Variants in SLC39A11 observed in about 807,000 individuals in gnomAD.
SLC39A11 encodes solute carrier family 39 member 11.
Under a neutral mutation model 36.1 loss-of-function variants are expected in SLC39A11, and 33 were observed. That is an observed-to-expected ratio of 0.91 (90% confidence interval 0.69 to 1.22). SLC39A11 has a LOEUF of 1.22. SLC39A11 is among the 50% of genes most tolerant of loss of function. The pLI, the probability that SLC39A11 is intolerant of heterozygous loss-of-function variation, is 0.00. For synonymous variants in SLC39A11, 166 were observed against 170.3 expected, an observed-to-expected ratio of 0.97 and a Z score of 0.20; for missense variants, 432 against 430.3, an observed-to-expected ratio of 1.00 and a Z score of -0.03.
chr17:72,849,237 G>T (rs550590766), intron 6 of SLC39A11, among the ~76,000 whole-genome samples: 132 of 152,238 alleles, frequency 8.7e-4, no homozygotes, highest in South Asian at 3.7e-3. Context: ...GAGTGTAAGT[G>T]AACTCACGTA....
At chr17:72,745,107 GC>G (rs2074877746) in intron 6 of SLC39A11, among the ~76,000 whole-genome samples, 1 of 152,226 alleles carries the variant, frequency 6.6e-6, no homozygotes, top group Non-Finnish European at 1.5e-5. Flanking sequence ...CTCCCAGAGT[GC>G]TGGGATTACC....
intron 6 of SLC39A11, among the ~76,000 whole-genome samples, chr17:72,836,759 C>T (rs184457711): frequency 6.6e-6 from 1 of 152,232 alleles, no homozygotes; most frequent in African/African-American, 2.4e-5. Flanking sequence ...GAAAGGCCCC[C>T]GTAAGTGGCA....
chr17:72,955,361 G>C (rs1007167442), intron 4 of SLC39A11, among the ~76,000 whole-genome samples: 6 of 143,060 alleles, frequency 4.2e-5, no homozygotes, highest in African/African-American at 1.6e-4. Flanking sequence ...GGAGTGCAGT[G>C]GTGCAATCTC....
intron 5 of SLC39A11, among the ~76,000 whole-genome samples, chr17:72,881,795 A>G (rs2081205984): frequency 6.6e-6 from 1 of 152,210 alleles, no homozygotes; most frequent in Non-Finnish European, 1.5e-5. Context: ...CATATGTGAA[A>G]ACATCCCAGT....
chr17:72,776,436 T>C (rs2076133541), intron 6 of SLC39A11, among the ~76,000 whole-genome samples: 1 of 152,200 alleles, frequency 6.6e-6, no homozygotes, highest in Non-Finnish European at 1.5e-5. Flanking sequence ...CTTTATATTA[T>C]TATACTTATC....
At chr17:72,979,797 A>G (rs182456810) in intron 4 of SLC39A11, among the ~76,000 whole-genome samples, 75 of 152,322 alleles carry the variant, frequency 4.9e-4, no homozygotes, top group African/African-American at 1.7e-3. Context: ...TGCAGCTGGC[A>G]GAGTCTCAAA....
At chr17:72,663,243 C>T (rs1166633193) in intron 7 of SLC39A11, among the ~76,000 whole-genome samples, 1 of 152,192 alleles carries the variant, frequency 6.6e-6, no homozygotes, top group Non-Finnish European at 1.5e-5. Context: ...CACGTTTGAG[C>T]AGAAACCGAC....
At chr17:72,970,675 T>C (rs2087374614) in intron 4 of SLC39A11, among the ~76,000 whole-genome samples, 2 of 152,222 alleles carry the variant, frequency 1.3e-5, no homozygotes, top group South Asian at 2.1e-4. Flanking sequence ...TTTATGCTTA[T>C]TTAAAAAGTG....
At chr17:72,837,662 A>G (rs905228506) in intron 6 of SLC39A11, 2 of 166,898 alleles carry the variant, frequency 1.2e-5, no homozygotes, top group Non-Finnish European at 2.6e-5. Flanking sequence ...GTGATGAAAC[A>G]GTAAACAAAA....
At chr17:72,774,981 G>T (rs1366787175) in intron 6 of SLC39A11, among the ~76,000 whole-genome samples, 2 of 150,452 alleles carry the variant, frequency 1.3e-5, no homozygotes, top group Non-Finnish European at 2.9e-5. Context: ...GGGAGTAATG[G>T]TGTCTGGCTA....
chr17:72,825,664 G>A (rs1392244834), intron 6 of SLC39A11, among the ~76,000 whole-genome samples: 2 of 152,248 alleles, frequency 1.3e-5, no homozygotes, highest in African/African-American at 4.8e-5. Context: ...CAGAGCCAAA[G>A]GGGCGGAGAT....
At chr17:72,656,908 C>T (rs1157266862) in intron 7 of SLC39A11, among the ~76,000 whole-genome samples, 1 of 151,892 alleles carries the variant, frequency 6.6e-6, no homozygotes, top group African/African-American at 2.4e-5. Flanking sequence ...CTTTGGGAGG[C>T]TGAGGCAGGA....
intron 5 of SLC39A11, among the ~76,000 whole-genome samples, chr17:72,863,239 A>C (rs180835286): frequency 6.6e-6 from 1 of 152,188 alleles, no homozygotes; most frequent in Non-Finnish European, 1.5e-5. Context: ...CCTTGCCCCA[A>C]ACGAAGCAAA....
rs369394314 is a variant in SLC39A11 at position 72,943,160 on chromosome 17, C to T, written c.430+4592G>A. 4.3e-4 allele frequency among the ~76,000 whole-genome samples: 66 copies of T among 152,284 alleles called. 1 individual carries two copies. Among genetic ancestry groups the T allele is most frequent in the African/African-American group, 1.5e-3 (63 of 41,558 alleles). On this transcript the variant is annotated intron_variant, in intron 5 of 9. Transcript: ENST00000255559. ...GGATCAAAGAGCAACTGAACTCCATCGTGTTCCCGAACAGGACAAGCCCTG... is the reference window on the plus strand; with the variant it reads ...GGATCAAAGAGCAACTGAACTCCATTGTGTTCCCGAACAGGACAAGCCCTG...
intron 7 of SLC39A11, among the ~76,000 whole-genome samples, chr17:72,653,315 GC>G (rs1377554054): frequency 2.6e-5 from 4 of 151,370 alleles, no homozygotes; most frequent in Non-Finnish European, 5.9e-5. Flanking sequence ...CAGAATATTA[GC>G]CAGGCTGGTC....
chr17:72,902,933 G>T (rs1463403202), intron 5 of SLC39A11, among the ~76,000 whole-genome samples: 1 of 141,514 alleles, frequency 7.1e-6, no homozygotes, highest in Non-Finnish European at 1.5e-5. Context: ...CTTAGTCAAA[G>T]ATGATAAATT....
At chr17:72,878,621 C>T (rs540628231) in intron 5 of SLC39A11, among the ~76,000 whole-genome samples, 1 of 152,322 alleles carries the variant, frequency 6.6e-6, no homozygotes, top group African/African-American at 2.4e-5. Context: ...CCTACACCCC[C>T]TTTATTGCTG....
In SLC39A11 at chr17:72,991,802, C is replaced by T. The variant is rs1267195909; in HGVS notation, c.306+39754G>A. On this transcript the variant is annotated intron_variant, in intron 4 of 9. Transcript: ENST00000255559. ...CAAGAAATGCTGCAATGAACATTCT[C>T]ATGCAGGGTTCCCTGTGTACATTCG... Among the ~76,000 whole-genome samples, 3 of 152,344 alleles carry T rather than the reference C, an allele frequency of 2.0e-5. No individual in the cohort carries two copies. In the East Asian group the frequency reaches 5.8e-4, roughly 29 times the overall value.
chr17:72,800,107 G>C (rs369119045), intron 6 of SLC39A11, among the ~76,000 whole-genome samples: 21 of 152,066 alleles, frequency 1.4e-4, no homozygotes, highest in African/African-American at 2.9e-4. Flanking sequence ...TTAGGGGCAG[G>C]TTCCCCCAAT....
Sources: gnomAD v4.1 joint callset for allele counts (sites outside exome capture counted in the v4.1 genomes callset) on GRCh38, gnomAD v4.1.1 for gene constraint, MANE v1.5 for transcripts, NCBI Gene and HGNC (gene_info 2026-07-23, HGNC 2026-07-21) for gene names.